Variants in TMTC4 observed in about 807,000 individuals in gnomAD.
TMTC4 encodes protein O-mannosyl-transferase TMTC4.
A neutral mutation model predicts 86.0 loss-of-function variants in TMTC4; 65 were observed. The observed-to-expected ratio is 0.76, with a 90% CI of 0.62 to 0.93. TMTC4 has a LOEUF of 0.93. Among genes scored for constraint, TMTC4 ranks in the 40% least tolerant of loss-of-function variants. The pLI is 0.00. For missense variants in TMTC4, 866 were observed against 948.1 expected (o/e 0.91, Z 1.14); for synonymous variants, 379 against 382.5 (o/e 0.99, Z 0.11).
In TMTC4 at chr13:100,635,058, C is replaced by T; in HGVS notation, c.1340G>A (p.Gly447Glu). The change falls in exon 11 of 19, where the codon GGA becomes GAA. Residue 447 changes from glycine (G) to glutamate (E), a missense_variant. By Grantham distance (98) the Gly-to-Glu change is moderately conservative. Coordinates refer to ENST00000342624, the MANE Select transcript of TMTC4 (RefSeq NM_032813.5). ...GGTATGTTTGCTCAGGGCTCCGAAT[C>T]CAAAAGTCAGCAGCACACAGTACCC... ...SVGYCVLLTFGFGALSKHTKK... is the reference protein window; with the variant it reads ...SVGYCVLLTFEFGALSKHTKK... 6.2e-7 allele frequency: 1 copy of T among 1,613,198 alleles called. No individual in the cohort carries two copies. Among genetic ancestry groups the T allele is most frequent in the Non-Finnish European group, 8.5e-7 (1 of 1,179,636 alleles).
chr13:100,626,036 G>T (rs1371898179), intron 13 of TMTC4, 35 bp downstream of exon 13: 7 of 1,610,672 alleles, frequency 4.3e-6, no homozygotes, highest in Non-Finnish European at 5.9e-6. Flanking sequence ...AACGATCTGT[G>T]TACATAATTC....
chr13:100,668,755 G>T lies in TMTC4; in HGVS notation c.43C>A (p.Pro15Thr). The T allele has an allele frequency of 6.2e-7, 1 of 1,614,214 alleles. No homozygotes were observed. Among genetic ancestry groups the T allele is most frequent in the Non-Finnish European group, 8.5e-7 (1 of 1,180,052 alleles). The change falls in exon 3 of 19, where the codon CCT (proline) becomes ACT (threonine). Residue 15 changes from proline (P) to threonine (T), a missense_variant. Transcript: ENST00000342624. ...QHNAGAGSHQPAVFRMAVLDT... is the reference protein window; with the variant it reads ...QHNAGAGSHQTAVFRMAVLDT... Reference sequence around the variant, plus strand: ...AACACGGCCATTCTGAAAACTGCAGGTTGGTGGCTCCCGGCTCCAGCATTA... The same window carrying T: ...AACACGGCCATTCTGAAAACTGCAGTTTGGTGGCTCCCGGCTCCAGCATTA...
At chr13:100,608,404 A>G (rs1877000215) in intron 17 of TMTC4, among the ~76,000 whole-genome samples, 1 of 152,136 alleles carries the variant, frequency 6.6e-6, no homozygotes, top group Admixed American at 6.6e-5. Context: ...GCACTGGGCC[A>G]GGGGGACAAA....
Position 100,637,681 on chromosome 13 carries a change from C to T in TMTC4, c.856G>A (p.Gly286Arg), listed in dbSNP as rs754317635. 21 of 1,613,816 alleles carry T rather than the reference C, an allele frequency of 1.3e-5. 1 individual carries two copies. In the Middle Eastern group the frequency reaches 1.5e-3, roughly 114 times the overall value. Residue 286 changes from glycine (G) to arginine (R), a missense_variant, in exon 9 of 19, where the codon GGG (glycine) becomes AGG (arginine). Gly to Arg is a moderately radical substitution (Grantham distance 125). Coordinates refer to ENST00000342624, the MANE Select transcript of TMTC4 (RefSeq NM_032813.5). ...AGGGTCATTCTGAAGAGGAGGCCCC[C>T]GTTCCTGAGCATGCCGAGATTCTGC... ...SLENLGMLRN[G>R]GLLFRMTLLT...
chr13:100,656,267 C>A, intron 6 of TMTC4, 114 bp downstream of exon 6: 2 of 813,594 alleles, frequency 2.5e-6, no homozygotes, highest in Non-Finnish European at 3.9e-6. Flanking sequence ...GGCCCAGATC[C>A]CCTCAGAGTG....
rs199799400 is a variant in TMTC4, at chr13:100,670,359, C to T, written c.3+1G>A. On this transcript the variant is annotated splice_donor_variant, in intron 2 of 18. Coordinates refer to ENST00000342624, the MANE Select transcript of TMTC4 (RefSeq NM_032813.5). LOFTEE classifies it high-confidence loss of function. ...CAGATCCAACAGGCAACGGGACACA[C>T]CATTCCATGGTGATGCTGTCCCCTT... 1 of 1,609,796 alleles carries T rather than the reference C, an allele frequency of 6.2e-7. No homozygotes were observed. The highest frequency in any genetic ancestry group is 1.3e-5 in the African/African-American group (1 of 74,814).
At chr13:100,615,685 TC>T (rs1266461983) in intron 15 of TMTC4, among the ~76,000 whole-genome samples, 1 of 149,992 alleles carries the variant, frequency 6.7e-6, no homozygotes, top group African/African-American at 2.5e-5. Context: ...ATTCCTGGCC[TC>T]AACTGATCCG....
Position 100,626,148 on chromosome 13 carries a change from A to T in TMTC4, c.1509T>A (p.Val503=). 1 of 1,614,182 alleles carries T rather than the reference A, an allele frequency of 6.2e-7. No individual in the cohort carries two copies. Among genetic ancestry groups the T allele is most frequent in the Non-Finnish European group, 8.5e-7 (1 of 1,180,018 alleles). Residue 503 remains valine, a splice_region_variant and synonymous_variant, in exon 13 of 19, where the codon GTT becomes GTA. Coordinates refer to ENST00000342624, the MANE Select transcript of TMTC4 (RefSeq NM_032813.5). ...ALSVCPLNAK[V]HYNIGKNLAD... is the part of the protein sequence containing the mutation. Reference sequence around the variant, plus strand: ...CCAGGTTTTTGCCAATGTTGTAGTGAACCTGCAGACAGAGAATAATTGGGC... The same window carrying T: ...CCAGGTTTTTGCCAATGTTGTAGTGTACCTGCAGACAGAGAATAATTGGGC...
intron 7 of TMTC4, among the ~76,000 whole-genome samples, chr13:100,641,685 C>G (rs1171871675): frequency 6.6e-6 from 1 of 152,136 alleles, no homozygotes; most frequent in African/African-American, 2.4e-5. Flanking sequence ...AGGGGTTTCT[C>G]CATGTTGGTC....
At chr13:100,643,163 C>T (rs893079329) in intron 6 of TMTC4, among the ~76,000 whole-genome samples, 3 of 152,126 alleles carry the variant, frequency 2.0e-5, no homozygotes, top group Non-Finnish European at 4.4e-5. Flanking sequence ...TACTCCTCTC[C>T]GTTGTGAAGT....
At chr13:100,658,933 G>T (rs1462518081) in intron 5 of TMTC4, among the ~76,000 whole-genome samples, 1 of 152,180 alleles carries the variant, frequency 6.6e-6, no homozygotes, top group African/African-American at 2.4e-5. Context: ...CAAGGAGAGG[G>T]ACTGTATCCA....
At chr13:100,637,797 C>T in intron 8 of TMTC4, 95 bp from the exon 9 acceptor site, 15 of 1,556,008 alleles carry the variant, frequency 9.6e-6, no homozygotes, top group Non-Finnish European at 1.3e-5. Flanking sequence ...GCCTGAACTG[C>T]TTCAACACTG....
Position 100,663,101 on chromosome 13 carries a change from CAG to C in TMTC4, c.413_414del (p.Ser138CysfsTer19). On this transcript the variant is annotated frameshift_variant, in exon 5 of 19. Transcript: ENST00000342624. LOFTEE classifies it high-confidence loss of function. ...ACCGAGAAGACGTCCACCATGAGGACAGAGATGCCACTGTGCAGGAGGATGTT... is the reference window on the plus strand; with the variant it reads ...ACCGAGAAGACGTCCACCATGAGGACAGATGCCACTGTGCAGGAGGATGTT... ...VVNILLHSGISVLMVDVFSVL... is the reference protein window; with the variant it reads ...VVNILLHSGIXVLMVDVFSVL... 1.2e-6 allele frequency: 2 copies of C among 1,614,204 alleles called. No homozygotes were observed. Among genetic ancestry groups the C allele is most frequent in the South Asian group, 2.2e-5 (2 of 91,086 alleles).
intron 1 of TMTC4, among the ~76,000 whole-genome samples, chr13:100,673,868 G>A (rs910096735): frequency 6.6e-6 from 1 of 152,162 alleles, no homozygotes; most frequent in Non-Finnish European, 1.5e-5. Flanking sequence ...AAGGGACAGG[G>A]AGGGGACCTA....
At chr13:100,644,634 G>A (rs1157139701) in intron 6 of TMTC4, among the ~76,000 whole-genome samples, 1 of 152,136 alleles carries the variant, frequency 6.6e-6, no homozygotes, top group East Asian at 1.9e-4. Context: ...GCTTTTTGGG[G>A]GGAGAATCTC....
chr13:100,651,464 C>A (rs1380952889), intron 6 of TMTC4, among the ~76,000 whole-genome samples: 1 of 89,096 alleles, frequency 1.1e-5, no homozygotes, highest in Non-Finnish European at 2.1e-5. Context: ...AATTCTGTTG[C>A]AAAGATCTTG....
At chr13:100,654,428 T>G (rs1884827828) in intron 6 of TMTC4, among the ~76,000 whole-genome samples, 1 of 152,228 alleles carries the variant, frequency 6.6e-6, no homozygotes, top group Non-Finnish European at 1.5e-5. Context: ...CTTTGCCTAT[T>G]TCTCATGAGT....
chr13:100,638,342 C>A, intron 7 of TMTC4: 1 of 235,162 alleles, frequency 4.3e-6, no homozygotes, highest in Non-Finnish European at 8.3e-6. Context: ...ACCCCCTCCC[C>A]ACTTTTTTTG....
intron 15 of TMTC4, among the ~76,000 whole-genome samples, chr13:100,620,858 A>G (rs1879364006): frequency 6.6e-6 from 1 of 152,036 alleles, no homozygotes; most frequent in Non-Finnish European, 1.5e-5. Flanking sequence ...CAAACAAAAA[A>G]CCCTCTTAAG....
Sources: allele counts gnomAD v4.1 joint callset (sites outside exome capture counted in the v4.1 genomes callset), GRCh38; gene constraint gnomAD v4.1.1; transcripts MANE v1.5; gene names NCBI Gene and HGNC (gene_info 2026-07-23, HGNC 2026-07-21).